The following ZNF521 variants were observed in gnomAD, a reference collection of about 807,000 sequenced individuals.
ZNF521 encodes the protein LYST-interacting protein 3.
A neutral mutation model predicts 105.5 loss-of-function variants in ZNF521; 14 were observed. That is an observed-to-expected ratio of 0.13 (90% confidence interval 0.09 to 0.21). The LOEUF (loss-of-function observed/expected upper bound fraction) is 0.21. ZNF521 is among the 10% of genes least tolerant of loss of function. The probability of loss-of-function intolerance (pLI) is 1.00; values close to 1 mark genes in which losing one functional copy is unlikely to be tolerated. For missense variants in ZNF521, 1,233 were observed against 1,629.7 expected (o/e 0.76, Z 4.19); for synonymous variants, 635 against 606.0 (o/e 1.05, Z -0.70).
rs564183689 is a variant in ZNF521 at position 25,065,482 on chromosome 18, C to T, written c.3907-2741G>A. On this transcript the variant is annotated intron_variant, in intron 7 of 7. Coordinates refer to ENST00000361524, the MANE Select transcript of ZNF521 (RefSeq NM_015461.3). ...TTGTGTTTAGACTTGGGTTGCATCC[C>T]CAAGACATCTCATTATGTATATGCA... Among the ~76,000 whole-genome samples the T allele has an allele frequency of 2.4e-4, 37 of 151,954 alleles. 1 individual carries two copies. In the East Asian group the frequency reaches 7.0e-3, roughly 29 times the overall value.
At chr18:25,068,637 C>T (rs1053063819) in intron 7 of ZNF521, among the ~76,000 whole-genome samples, 1 of 152,100 alleles carries the variant, frequency 6.6e-6, no homozygotes, top group Non-Finnish European at 1.5e-5. Flanking sequence ...GAAATGCCTG[C>T]AAGTCCTACA....
At chr18:25,130,550 T>C (rs1029829686) in intron 5 of ZNF521, among the ~76,000 whole-genome samples, 1 of 152,124 alleles carries the variant, frequency 6.6e-6, no homozygotes, top group South Asian at 2.1e-4. Flanking sequence ...ATGTTAATGA[T>C]GGGAGAATAA....
intron 7 of ZNF521, among the ~76,000 whole-genome samples, chr18:25,070,673 C>T (rs1277100956): frequency 2.0e-5 from 3 of 152,018 alleles, no homozygotes; most frequent in Non-Finnish European, 4.4e-5. Context: ...TGTTTAGCAG[C>T]ATCCTCAGCC....
At chr18:25,159,103 G>A (rs1219264432) in intron 5 of ZNF521, among the ~76,000 whole-genome samples, 8 of 152,070 alleles carry the variant, frequency 5.3e-5, no homozygotes, top group African/African-American at 1.2e-4. Context: ...TGATTTGCCC[G>A]GTTGCCCCCA....
chr18:25,142,712 AT>A (rs967895096), intron 5 of ZNF521, among the ~76,000 whole-genome samples: 38 of 147,886 alleles, frequency 2.6e-4, no homozygotes, highest in South Asian at 4.3e-4. Flanking sequence ...TTGAAATTTG[AT>A]TTTTTTTTTT....
chr18:25,145,758 C>G (rs2034930816), intron 5 of ZNF521, among the ~76,000 whole-genome samples: 1 of 152,186 alleles, frequency 6.6e-6, no homozygotes, highest in Admixed American at 6.6e-5. Context: ...CACTCTGAGC[C>G]TTCAGAAACA....
In ZNF521 at chr18:25,259,521, G is replaced by A. The variant is rs149481903; in HGVS notation, c.221-31824C>T. Among the ~76,000 whole-genome samples the A allele has an allele frequency of 6.7e-3, 1,018 of 152,266 alleles. 3 individuals carry two copies. Among genetic ancestry groups the A allele is most frequent in the Middle Eastern group, 0.014 (4 of 294 alleles). ...AGTAGTTGGAGAGGGCACCACGGGC[G>A]TAAACTTCCAGGAGCAGAGGTAAGA... On this transcript the variant is annotated intron_variant, in intron 3 of 7. Transcript: ENST00000361524.
At chr18:25,086,992 TTA>T (rs1290714369) in intron 7 of ZNF521, among the ~76,000 whole-genome samples, 3 of 152,162 alleles carry the variant, frequency 2.0e-5, no homozygotes, top group Non-Finnish European at 4.4e-5. Flanking sequence ...TATTTGCCCT[TTA>T]TACTCTCATT....
Position 25,225,773 on chromosome 18 carries a change from G to A in ZNF521, c.2145C>T (p.Asp715=), listed in dbSNP as rs188425657. 1 of 1,614,252 alleles carries A rather than the reference G, an allele frequency of 6.2e-7. No individual in the cohort carries two copies. Among genetic ancestry groups the A allele is most frequent in the East Asian group, 2.2e-5 (1 of 44,888 alleles). Residue 715 remains aspartate (D), a synonymous_variant, in exon 4 of 8, where the codon GAC becomes GAT. Transcript: ENST00000361524. This position sits in a 1 kb window ranked among gnomAD's most constrained non-coding sequence, Gnocchi z 5.6. ...AGCGAAAGAAGACAAAGGTGTGCAT[G>A]TCCAGCAGGTGTTTCTGAAGGTCAT... ...SVDDLQKHLL[D]MHTFVFFRCT...
At chr18:25,107,288 T>A (rs138431029) in intron 5 of ZNF521, among the ~76,000 whole-genome samples, 1 of 152,242 alleles carries the variant, frequency 6.6e-6, no homozygotes, top group South Asian at 2.1e-4. Flanking sequence ...GTTATTCTTG[T>A]TATTAAGAAT....
chr18:25,249,299 G>A (rs1907942913), intron 3 of ZNF521, among the ~76,000 whole-genome samples: 1 of 151,702 alleles, frequency 6.6e-6, no homozygotes, highest in Non-Finnish European at 1.5e-5. Context: ...GGGACTACAG[G>A]TGCCCGCCAC....
chr18:25,085,000 G>A (rs2033588668), intron 7 of ZNF521, among the ~76,000 whole-genome samples: 1 of 151,870 alleles, frequency 6.6e-6, no homozygotes, highest in Admixed American at 6.6e-5. Flanking sequence ...AAAATTTTGA[G>A]GTCTATTAGG....
At chr18:25,239,551 G>A (rs1057037068) in intron 3 of ZNF521, among the ~76,000 whole-genome samples, 1 of 152,242 alleles carries the variant, frequency 6.6e-6, no homozygotes, top group African/African-American at 2.4e-5. Flanking sequence ...TGAATATCTG[G>A]AGTAAGAAGT....
intron 4 of ZNF521, among the ~76,000 whole-genome samples, chr18:25,210,982 C>A (rs2144684090): frequency 6.6e-6 from 1 of 152,326 alleles, no homozygotes; most frequent in East Asian, 1.9e-4. Context: ...ATTAATAAAT[C>A]TGTTATCACA....
intron 5 of ZNF521, among the ~76,000 whole-genome samples, chr18:25,116,971 ATG>A (rs1180176187): frequency 1.5e-4 from 15 of 101,548 alleles, no homozygotes; most frequent in South Asian, 4.2e-4. Context: ...ATGTATATAT[ATG>A]TATATATATA....
At chr18:25,075,099 C>G (rs898021080) in intron 7 of ZNF521, among the ~76,000 whole-genome samples, 1 of 152,096 alleles carries the variant, frequency 6.6e-6, no homozygotes, top group South Asian at 2.1e-4. Context: ...AAAGGTGAGC[C>G]GTAAACAAGA....
rs1184961807 is a variant in ZNF521, at chr18:25,302,019, A to C, written c.220+19989T>G. On this transcript the variant is annotated intron_variant, in intron 3 of 7. Transcript: ENST00000361524. ...GTCTAAATCATGACAGAGCCAGTAA[A>C]TCACTAAGTGACAATGAGTCTCAAT... 5 of 152,266 alleles carry C rather than the reference A, an allele frequency of 3.3e-5. No homozygotes were observed. The South Asian group carries it at 1.0e-3, about 32-fold the overall frequency. The allele number at this position is 152,266 out of a possible 1,614,324, so 9.4% of individuals were successfully genotyped here.
chr18:25,189,858 T>C (rs868346703), intron 5 of ZNF521, among the ~76,000 whole-genome samples: 3 of 152,234 alleles, frequency 2.0e-5, no homozygotes, highest in Admixed American at 6.5e-5. Context: ...CCTGGTTCAC[T>C]TGGACCAACT....
intron 3 of ZNF521, among the ~76,000 whole-genome samples, chr18:25,236,630 A>C (rs945465597): frequency 6.6e-6 from 1 of 152,184 alleles, no homozygotes. Flanking sequence ...GCCAATCACT[A>C]ATATGCCTTA....
Sources: gnomAD v4.1 joint callset for allele counts (sites outside exome capture counted in the v4.1 genomes callset) on GRCh38, gnomAD v4.1.1 for gene constraint, Gnocchi (gnomAD v3.1) non-coding constraint, MANE v1.5 for transcripts, NCBI Gene and HGNC (gene_info 2026-07-23, HGNC 2026-07-21) for gene names.